MIPEP: variants seen among roughly 807,000 people sequenced by gnomAD.
MIPEP encodes mitochondrial intermediate peptidase.
Under a neutral mutation model 90.3 loss-of-function variants are expected in MIPEP, and 79 were observed. The ratio of observed to expected loss-of-function variants is 0.87; its 90% CI spans 0.73 to 1.05. MIPEP has a LOEUF of 1.05. Ranked by LOEUF, MIPEP falls within the 50% of genes least tolerant of loss-of-function variation. The pLI is 0.00. For missense variants in MIPEP, 940 were observed against 905.6 expected (o/e 1.04, Z -0.49); for synonymous variants, 334 against 315.8 (o/e 1.06, Z -0.61).
At chr13:23,771,718 G>C (rs1565988044) in intron 16 of MIPEP, among the ~76,000 whole-genome samples, 1 of 152,130 alleles carries the variant, frequency 6.6e-6, no homozygotes, top group Non-Finnish European at 1.5e-5. Context: ...TGAAACCCGT[G>C]AAATGTGGTG....
intron 1 of MIPEP, 22 bp downstream of exon 1, chr13:23,889,110 G>A (rs890518361): frequency 2.2e-6 from 3 of 1,392,722 alleles, no homozygotes; most frequent in South Asian, 1.6e-5. Flanking sequence ...GGACTGAGGG[G>A]AGCTCCTCCT....
intron 14 of MIPEP, among the ~76,000 whole-genome samples, chr13:23,822,361 T>C (rs1040675653): frequency 2.6e-5 from 4 of 152,214 alleles, no homozygotes; most frequent in Non-Finnish European, 5.9e-5. Context: ...TATGCTAAAG[T>C]TGCCTATAAA....
At chr13:23,791,514 C>A (rs1331087457) in intron 16 of MIPEP, among the ~76,000 whole-genome samples, 1 of 152,178 alleles carries the variant, frequency 6.6e-6, no homozygotes, top group Non-Finnish European at 1.5e-5. Context: ...CCACTGCTTG[C>A]ATCTTTGTTC....
chr13:23,858,474 A>G (rs1870140172), intron 10 of MIPEP, among the ~76,000 whole-genome samples: 1 of 150,010 alleles, frequency 6.7e-6, no homozygotes, highest in Non-Finnish European at 1.5e-5. Context: ...CCGCCTCAAA[A>G]AAAAAAAAAA....
intron 10 of MIPEP, among the ~76,000 whole-genome samples, chr13:23,844,685 T>C (rs1477626618): frequency 6.6e-6 from 1 of 152,204 alleles, no homozygotes; most frequent in Non-Finnish European, 1.5e-5. Flanking sequence ...AATGAACATT[T>C]ATTTTTATGG....
rs181176843 is a variant in MIPEP at position 23,780,762 on chromosome 13, A to T, written c.1849-20545T>A. ...ACCAGTGTAGAGAAGTCCTTAAATG[A>T]CCTGATGGAGTTGAAAACTACGGCA... On this transcript the variant is annotated intron_variant, in intron 16 of 18. Coordinates refer to ENST00000382172, the MANE Select transcript of MIPEP (RefSeq NM_005932.4). Among the ~76,000 whole-genome samples the T allele has an allele frequency of 9.5e-4, 145 of 152,328 alleles. 1 individual carries two copies. The highest frequency in any genetic ancestry group is 3.4e-3 in the African/African-American group (140 of 41,572).
intron 4 of MIPEP, among the ~76,000 whole-genome samples, chr13:23,876,214 T>C (rs918294600): frequency 2.6e-5 from 4 of 152,212 alleles, no homozygotes; most frequent in African/African-American, 9.6e-5. Context: ...ACTATTCTTA[T>C]TCTGTTTCAA....
intron 11 of MIPEP, 93 bp downstream of exon 11, chr13:23,841,242 G>A: frequency 8.4e-7 from 1 of 1,187,946 alleles, no homozygotes; most frequent in Non-Finnish European, 1.2e-6. Context: ...CTCAGTCAGG[G>A]CAAAGTTGAT....
At chr13:23,883,117 A>T (rs1255054172) in intron 2 of MIPEP, among the ~76,000 whole-genome samples, 1 of 152,186 alleles carries the variant, frequency 6.6e-6, no homozygotes, top group Non-Finnish European at 1.5e-5. Context: ...AAGATATTAA[A>T]AATTCAGATA....
At chr13:23,767,943 T>C (rs115190548) in intron 16 of MIPEP, among the ~76,000 whole-genome samples, 2,177 of 152,328 alleles carry the variant, frequency 0.014, 44 homozygotes, top group African/African-American at 0.049. Context: ...GGACTCTCGA[T>C]TGCTGTGGCA....
At chr13:23,846,190 T>C (rs1468953267) in intron 10 of MIPEP, among the ~76,000 whole-genome samples, 1 of 152,218 alleles carries the variant, frequency 6.6e-6, no homozygotes. Flanking sequence ...GATATATTGA[T>C]GCTCTTTTTC....
Position 23,776,861 on chromosome 13 carries a change from C to A in MIPEP, c.1849-16644G>T, listed in dbSNP as rs960928848. Among the ~76,000 whole-genome samples, 4 of 151,754 alleles carry A rather than the reference C, an allele frequency of 2.6e-5. 1 individual carries two copies. The highest frequency in any genetic ancestry group is 3.4e-3 in the Middle Eastern group (1 of 294). Reference sequence around the variant, plus strand: ...AAAATGGGACAGAAAATATATAGTGCACAGCACAGAGGGTAACTTTAGATT... The same window carrying A: ...AAAATGGGACAGAAAATATATAGTGAACAGCACAGAGGGTAACTTTAGATT... On this transcript the variant is annotated intron_variant, in intron 16 of 18. Coordinates refer to ENST00000382172, the MANE Select transcript of MIPEP (RefSeq NM_005932.4).
chr13:23,840,339 T>C (rs1042729096), intron 11 of MIPEP, among the ~76,000 whole-genome samples: 3 of 152,218 alleles, frequency 2.0e-5, no homozygotes, highest in African/African-American at 7.2e-5. Flanking sequence ...ATCAAACATC[T>C]GTTAAGCACC....
chr13:23,763,686 T>C (rs1312859851), intron 16 of MIPEP, among the ~76,000 whole-genome samples: 1 of 152,204 alleles, frequency 6.6e-6, no homozygotes, highest in African/African-American at 2.4e-5. Context: ...TCAGGATTTG[T>C]GCATGCATCA....
At chr13:23,744,784 A>C (rs1536300) in intron 18 of MIPEP, among the ~76,000 whole-genome samples, 30,015 of 152,178 alleles carry the variant, frequency 0.2, 3,547 homozygotes, top group East Asian at 0.42. Context: ...AGTTTTATTG[A>C]AAGTATTTGA....
rs1566001525 is a variant in MIPEP at position 23,809,880 on chromosome 13, C to G, written c.1698G>C (p.Lys566Asn). The G allele has an allele frequency of 3.7e-6, 6 of 1,613,488 alleles. No homozygotes were observed. The highest frequency in any genetic ancestry group is 5.1e-6 in the Non-Finnish European group (6 of 1,179,718). The change falls in exon 15 of 19, where the codon AAG (lysine) becomes AAC (asparagine). Residue 566 changes from lysine to asparagine, a missense_variant. By Grantham distance (94) the Lys-to-Asn change is moderately conservative (BLOSUM62 0). Coordinates refer to ENST00000382172, the MANE Select transcript of MIPEP (RefSeq NM_005932.4). ...NMVSRLCESK[K>N]VCAAADMQLQ... The stretch of plus-strand genomic sequence containing the variant: ...GTTGCATATCAGCTGCAGCACAAAC[C>G]TTTTTAGATTCACAAAGACGAGACA...
At chr13:23,735,599 T>C (rs1345318856) in intron 18 of MIPEP, among the ~76,000 whole-genome samples, 1 of 64,706 alleles carries the variant, frequency 1.5e-5, no homozygotes, top group African/African-American at 3.7e-5. Context: ...CTTCTCCAAT[T>C]CCCCACCTTA....
At chr13:23,855,905 G>T (rs946963729) in intron 10 of MIPEP, among the ~76,000 whole-genome samples, 1 of 152,318 alleles carries the variant, frequency 6.6e-6, no homozygotes, top group Non-Finnish European at 1.5e-5. Flanking sequence ...TAGCAAGCAG[G>T]TGGAAGACTC....
Position 23,874,780 on chromosome 13 carries a change from G to C in MIPEP, c.603+66C>G. Reference sequence around the variant, plus strand: ...TCAAGCAATATATACAAGGACTGTAGCAATAATGGTATCAACTAAATGTTA... The same window carrying C: ...TCAAGCAATATATACAAGGACTGTACCAATAATGGTATCAACTAAATGTTA... On this transcript the variant is annotated intron_variant, in intron 5 of 18. Coordinates refer to ENST00000382172, the MANE Select transcript of MIPEP (RefSeq NM_005932.4). 6 of 1,322,632 alleles carry C rather than the reference G, an allele frequency of 4.5e-6. No homozygotes were observed. In the South Asian group the frequency reaches 7.0e-5, roughly 15 times the overall value. 81.9% of individuals were successfully genotyped at this position (1,322,632 alleles called of 1,614,324 possible).
Sources: gnomAD v4.1 joint callset for allele counts (sites outside exome capture counted in the v4.1 genomes callset) on GRCh38, gnomAD v4.1.1 for gene constraint, MANE v1.5 for transcripts, NCBI Gene and HGNC (gene_info 2026-07-23, HGNC 2026-07-21) for gene names.